The following ICAM5 variants were observed in gnomAD, a reference collection of about 807,000 sequenced individuals.
ICAM5 encodes intercellular adhesion molecule 5, also known as ICAM-5.
In ICAM5, 38 loss-of-function variants were observed where a neutral mutation model predicts 78.8. The ratio of observed to expected loss-of-function variants is 0.48; its 90% CI spans 0.37 to 0.63. The LOEUF (loss-of-function observed/expected upper bound fraction) is 0.63. Ranked by LOEUF, ICAM5 falls within the 30% of genes least tolerant of loss-of-function variation. ICAM5 has a pLI of 0.00. For synonymous variants in ICAM5, 544 were observed against 590.9 expected, an observed-to-expected ratio of 0.92 and a Z score of 1.15; for missense variants, 1,059 against 1,303.0, an observed-to-expected ratio of 0.81 and a Z score of 2.88.
At position 10,292,161 on chromosome 19, in the gene ICAM5, G is replaced by A; in HGVS notation, c.800G>A (p.Gly267Glu). The change falls in exon 4 of 11, where the codon GGG becomes GAG. Residue 267 changes from glycine to glutamate, a missense_variant. This residue lies in a region of ICAM5 where 815 missense variants were observed against 952.8 expected (regional missense o/e 0.86). Coordinates refer to ENST00000221980, the MANE Select transcript of ICAM5 (RefSeq NM_003259.4). ...ASEARVYLAL[G>E]DQNLSPDVTL... ...GAGGCCAGGGTCTACCTCGCACTGGGGGACCAGAATCTGAGTCCTGATGTC... is the reference window on the plus strand; with the variant it reads ...GAGGCCAGGGTCTACCTCGCACTGGAGGACCAGAATCTGAGTCCTGATGTC... 6.2e-7 allele frequency: 1 copy of A among 1,613,378 alleles called. No homozygotes were observed. The highest frequency in any genetic ancestry group is 8.5e-7 in the Non-Finnish European group (1 of 1,180,030).
Position 10,294,183 on chromosome 19 carries a change from C to A in ICAM5, c.1855C>A (p.Leu619Met). 1 of 1,613,862 alleles carries A rather than the reference C, an allele frequency of 6.2e-7. No homozygotes were observed. The highest frequency in any genetic ancestry group is 8.5e-7 in the Non-Finnish European group (1 of 1,179,958). Residue 619 changes from leucine to methionine, a missense_variant, in exon 8 of 11, where the codon CTG (leucine) becomes ATG (methionine). Physicochemically the swap from Leu to Met is conservative, Grantham distance 15. Transcript: ENST00000221980. The surrounding 1 kb of genome is among the most constrained non-coding windows in gnomAD (Gnocchi z 7.7). ...CTCCGGGGGCGCCACTGAGGGGGTG[C>A]TGCTGCCGCTGGCACCCCCAGACCC... ...VGSGGATEGVLLPLAPPDPSP... is the reference protein window; with the variant it reads ...VGSGGATEGVMLPLAPPDPSP...
Position 10,293,561 on chromosome 19 carries a change from C to T in ICAM5, c.1466-137C>T, listed in dbSNP as rs962324378. On this transcript the variant is annotated intron_variant, in intron 6 of 10. Coordinates refer to ENST00000221980, the MANE Select transcript of ICAM5 (RefSeq NM_003259.4). This position sits in a 1 kb window ranked among gnomAD's most constrained non-coding sequence, Gnocchi z 5.0. The stretch of plus-strand genomic sequence containing the variant: ...CAGACAGAGTGCATGCCTCGACTAG[C>T]GTGACACCTCCTTGGATCGGCGTCC... The T allele has an allele frequency of 4.8e-6, 6 of 1,249,866 alleles. No individual in the cohort carries two copies. The highest frequency in any genetic ancestry group is 6.6e-6 in the Non-Finnish European group (6 of 907,082). 77.4% of individuals were successfully genotyped at this position (1,249,866 alleles called of 1,614,324 possible). A position where few individuals can be genotyped will look rare whatever the true frequency, so the allele number is the denominator to read the frequency against.
Position 10,290,709 on chromosome 19 carries a change from C to T in ICAM5, c.83-363C>T. ...TCGTATCCCGGCATTCTGCCAGGACCCTGAGAACTGGTTCATCCCCCATCC... is the reference window on the plus strand; with the variant it reads ...TCGTATCCCGGCATTCTGCCAGGACTCTGAGAACTGGTTCATCCCCCATCC... On this transcript the variant is annotated intron_variant, in intron 1 of 10. Transcript: ENST00000221980. This position sits in a 1 kb window ranked among gnomAD's most constrained non-coding sequence, Gnocchi z 5.7. 2.8e-6 allele frequency: 1 copy of T among 354,610 alleles called. No homozygotes were observed. The highest frequency in any genetic ancestry group is 4.9e-5 in the East Asian group (1 of 20,380). The allele number at this position is 354,610 out of a possible 1,614,324, so 22.0% of individuals were successfully genotyped here. A position where few individuals can be genotyped will look rare whatever the true frequency, so the allele number is the denominator to read the frequency against.
chr19:10,292,327 G>T lies in ICAM5; in HGVS notation c.961+5G>T. The stretch of plus-strand genomic sequence containing the variant: ...GGGAGAACGTGACCATCTACAGTAA[G>T]GAAGGAGGCGGGGTCTCCGCGGCTC... On this transcript the variant is annotated splice_donor_5th_base_variant and intron_variant, in intron 4 of 10. Coordinates refer to ENST00000221980, the MANE Select transcript of ICAM5 (RefSeq NM_003259.4). The T allele has an allele frequency of 6.3e-7, 1 of 1,584,072 alleles. No homozygotes were observed. Among genetic ancestry groups the T allele is most frequent in the East Asian group, 2.3e-5 (1 of 43,334 alleles).
Position 10,294,184 on chromosome 19 carries a change from T to C in ICAM5, c.1856T>C (p.Leu619Pro), listed in dbSNP as rs776127692. Reference protein sequence around the residue: ...VGSGGATEGVLLPLAPPDPSP... With the variant: ...VGSGGATEGVPLPLAPPDPSP... The stretch of plus-strand genomic sequence containing the variant: ...TCCGGGGGCGCCACTGAGGGGGTGC[T>C]GCTGCCGCTGGCACCCCCAGACCCT... Residue 619 changes from leucine to proline, a missense_variant, in exon 8 of 11, where the codon CTG (leucine) becomes CCG (proline). Physicochemically the swap from Leu to Pro is moderately conservative, Grantham distance 98. Around this residue, in one of 3 missense-constraint regions of ICAM5, gnomAD observed 815 missense variants for 952.8 expected, o/e 0.86. Coordinates refer to ENST00000221980, the MANE Select transcript of ICAM5 (RefSeq NM_003259.4). The surrounding 1 kb of genome is among the most constrained non-coding windows in gnomAD (Gnocchi z 7.7). 2.5e-6 allele frequency: 4 copies of C among 1,613,830 alleles called. No individual in the cohort carries two copies. The highest frequency in any genetic ancestry group is 3.4e-6 in the Non-Finnish European group (4 of 1,179,962).
At position 10,290,225 on chromosome 19, in the gene ICAM5, TC is replaced by T; in HGVS notation, c.82+103del. 2.4e-6 allele frequency: 2 copies of T among 850,470 alleles called. No homozygotes were observed. Among genetic ancestry groups the T allele is most frequent in the Non-Finnish European group, 1.7e-6 (1 of 576,582 alleles). 52.7% of individuals were successfully genotyped at this position (850,470 alleles called of 1,614,324 possible). ...CCTCCCAGCTCTGCCCTCGCCTCGC[TC>T]CCACGCCTCTGCCCCCACCTCGAGC... On this transcript the variant is annotated intron_variant, in intron 1 of 10. Coordinates refer to ENST00000221980, the MANE Select transcript of ICAM5 (RefSeq NM_003259.4). This position sits in a 1 kb window ranked among gnomAD's most constrained non-coding sequence, Gnocchi z 5.7.
rs1331557187 is a variant in ICAM5 at position 10,292,735 on chromosome 19, C to T, written c.1085C>T (p.Pro362Leu). 1.9e-6 allele frequency: 3 copies of T among 1,613,326 alleles called. No individual in the cohort carries two copies. Among genetic ancestry groups the T allele is most frequent in the East Asian group, 2.2e-5 (1 of 44,884 alleles). The change falls in exon 5 of 11, where the codon CCG becomes CTG. Residue 362 changes from proline to leucine, a missense_variant. Pro to Leu is a moderately conservative substitution (Grantham distance 98). Coordinates refer to ENST00000221980, the MANE Select transcript of ICAM5 (RefSeq NM_003259.4). ...CTGGAGGGAGTTCCAGCCGCGGTCC[C>T]GGGGCAGCCCGCCCAGCTTCAGCTA... ...VTLEGVPAAV[P>L]GQPAQLQLNA... is the part of the protein sequence containing the mutation.
rs1201588154 is a variant in ICAM5 at position 10,293,972 on chromosome 19, G to C, written c.1711+29G>C. 2.5e-6 allele frequency: 4 copies of C among 1,604,960 alleles called. No individual in the cohort carries two copies. Among genetic ancestry groups the C allele is most frequent in the Non-Finnish European group, 3.4e-6 (4 of 1,173,620 alleles). On this transcript the variant is annotated intron_variant, in intron 7 of 10. Transcript: ENST00000221980. The surrounding 1 kb of genome is among the most constrained non-coding windows in gnomAD (Gnocchi z 5.0). The stretch of plus-strand genomic sequence containing the variant: ...AGTAGGGGCACCGCGGAGTTAGGCA[G>C]GATCTGTGGGACAACCCCGGCTGGA...
At position 10,295,349 on chromosome 19, in the gene ICAM5, G is replaced by A. The variant is rs111584571; in HGVS notation, c.2234G>A (p.Arg745Gln). ...SRTVTVGVEY[R>Q]PVVAELAASP... ...CTTCACCTTCTGTGCCCTTCAGACC[G>A]GCCAGTGGTGGCCGAACTTGCTGCC... The change falls in exon 10 of 11, where the codon CGG (arginine) becomes CAG (glutamine). Residue 745 changes from arginine (R) to glutamine (Q), a missense_variant. Arg to Gln is a conservative substitution (Grantham distance 43, BLOSUM62 1). Around this residue, in one of 3 missense-constraint regions of ICAM5, gnomAD observed 135 missense variants for 230.2 expected, o/e 0.59. Transcript: ENST00000221980. 2 of 1,555,890 alleles carry A rather than the reference G, an allele frequency of 1.3e-6. No homozygotes were observed. The highest frequency in any genetic ancestry group is 1.4e-5 in the African/African-American group (1 of 73,530).
rs2040177427 is a variant in ICAM5 at position 10,292,040 on chromosome 19, T to A, written c.679T>A (p.Ser227Thr). Residue 227 changes from serine (S) to threonine (T), a missense_variant, in exon 4 of 11, where the codon TCT (serine) becomes ACT (threonine). By Grantham distance (58) the Ser-to-Thr change is moderately conservative. Around this residue, in one of 3 missense-constraint regions of ICAM5, gnomAD observed 815 missense variants for 952.8 expected, o/e 0.86. Transcript: ENST00000221980. Reference sequence around the variant, plus strand: ...CTTGGTTCTTCGACCCCTAGCCCTGTCTCCGGATGCCCCGCGCCTCGCTGC... The same window carrying A: ...CTTGGTTCTTCGACCCCTAGCCCTGACTCCGGATGCCCCGCGCCTCGCTGC... ...APRELRTFSL[S>T]PDAPRLAAPR... The A allele has an allele frequency of 6.2e-7, 1 of 1,611,470 alleles. No homozygotes were observed. Among genetic ancestry groups the A allele is most frequent in the Non-Finnish European group, 8.5e-7 (1 of 1,178,638 alleles).
At position 10,293,626 on chromosome 19, in the gene ICAM5, G is replaced by C; in HGVS notation, c.1466-72G>C. The C allele has an allele frequency of 1.9e-6, 3 of 1,553,122 alleles. No homozygotes were observed. Among genetic ancestry groups the C allele is most frequent in the Non-Finnish European group, 1.7e-6 (2 of 1,147,736 alleles). ...GACAACACTTCGTGGAAGCCTTGCC[G>C]CGCCAAGGAGGGTCTAGGGACGTCA... On this transcript the variant is annotated intron_variant, in intron 6 of 10. Coordinates refer to ENST00000221980, the MANE Select transcript of ICAM5 (RefSeq NM_003259.4). The surrounding 1 kb of genome is among the most constrained non-coding windows in gnomAD (Gnocchi z 5.0).
At position 10,294,248 on chromosome 19, in the gene ICAM5, C is replaced by G. The variant is rs915300125; in HGVS notation, c.1920C>G (p.Pro640=). 1.8e-5 allele frequency: 29 copies of G among 1,613,800 alleles called. No individual in the cohort carries two copies. The highest frequency in any genetic ancestry group is 2.3e-5 in the Non-Finnish European group (27 of 1,180,004). Residue 640 remains proline (P), a synonymous_variant, in exon 8 of 11, where the codon CCC becomes CCG. Coordinates refer to ENST00000221980, the MANE Select transcript of ICAM5 (RefSeq NM_003259.4). The surrounding 1 kb of genome is among the most constrained non-coding windows in gnomAD (Gnocchi z 7.7). Reference sequence around the variant, plus strand: ...CCAGAATCCCTAGAGTCCTGGCACCCGGTATCTACGTCTGCAACGCCACCA... The same window carrying G: ...CCAGAATCCCTAGAGTCCTGGCACCGGGTATCTACGTCTGCAACGCCACCA... The part of the protein sequence containing the change: ...RAPRIPRVLA[P]GIYVCNATNR...
chr19:10,292,514 C>A, intron 4 of ICAM5, 98 bp from the exon 5 acceptor site: 1 of 1,466,114 alleles, frequency 6.8e-7, no homozygotes, highest in South Asian at 1.3e-5. Context: ...TACCCTAGTT[C>A]GTTCTCAGCA....
Position 10,291,475 on chromosome 19 carries a change from C to T in ICAM5, c.353-14C>T. ...CCCGGTGTTCAAAGAGCTGCGGACT[C>T]TTCCCCCTTGCAGAGCGACCAGATC... On this transcript the variant is annotated splice_polypyrimidine_tract_variant and intron_variant, in intron 2 of 10. Coordinates refer to ENST00000221980, the MANE Select transcript of ICAM5 (RefSeq NM_003259.4). 1 of 1,612,008 alleles carries T rather than the reference C, an allele frequency of 6.2e-7. No homozygotes were observed.
intron 9 of ICAM5, 106 bp from the exon 10 acceptor site, chr19:10,295,240 C>A: frequency 7.8e-7 from 1 of 1,277,550 alleles, no homozygotes; most frequent in East Asian, 2.7e-5. Context: ...CTCTTCTGCC[C>A]ATCAGAGGCG....
chr19:10,295,224 A>C, intron 9 of ICAM5, 122 bp from the exon 10 acceptor site: 41 of 1,067,398 alleles, frequency 3.8e-5, no homozygotes, highest in Non-Finnish European at 4.7e-5. Context: ...GATAGGAGGC[A>C]GGATCCTCTT....
At chr19:10,292,526 C>T in intron 4 of ICAM5, 86 bp from the exon 5 acceptor site, 1 of 1,495,334 alleles carries the variant, frequency 6.7e-7, no homozygotes, top group Non-Finnish European at 9.0e-7. Context: ...TTCTCAGCAC[C>T]CCGAGGATTC....
rs2040177237 is a variant in ICAM5, at chr19:10,292,027, AC to A, written c.674-4del. 6.2e-7 allele frequency: 1 copy of A among 1,608,612 alleles called. No homozygotes were observed. The highest frequency in any genetic ancestry group is 8.5e-7 in the Non-Finnish European group (1 of 1,176,512). On this transcript the variant is annotated splice_region_variant and splice_polypyrimidine_tract_variant and intron_variant, in intron 3 of 10. Transcript: ENST00000221980. ...GAGTTAGTTCAAACTTGGTTCTTCG[AC>A]CCCTAGCCCTGTCTCCGGATGCCCC...
rs1191726046 is a variant in ICAM5, at chr19:10,290,266, C to CT, written c.82+143dup. 1.7e-6 allele frequency: 1 copy of CT among 589,078 alleles called. No homozygotes were observed. The highest frequency in any genetic ancestry group is 2.0e-5 in the African/African-American group (1 of 50,926). 36.5% of individuals were successfully genotyped at this position (589,078 alleles called of 1,614,324 possible). ...CCACCTCGAGCCTGAGTCTTCTCCC[C>CT]TTCCCCCTCCTCCCCAACACACACC... On this transcript the variant is annotated intron_variant, in intron 1 of 10. Transcript: ENST00000221980. This position sits in a 1 kb window ranked among gnomAD's most constrained non-coding sequence, Gnocchi z 5.7.
Sources: allele counts gnomAD v4.1 joint callset, GRCh38; gene constraint gnomAD v4.1.1; regional missense constraint gnomAD v4.1.1; non-coding constraint Gnocchi (gnomAD v3.1); transcripts MANE v1.5; gene names NCBI Gene and HGNC (gene_info 2026-07-23, HGNC 2026-07-21).